MAD1L1: variants seen among roughly 807,000 people sequenced by gnomAD.
The protein encoded by MAD1L1 is mitotic arrest deficient 1 like 1.
In MAD1L1, 95 loss-of-function variants were observed where a neutral mutation model predicts 96.9. That is an observed-to-expected ratio of 0.98 (90% CI 0.83 to 1.16). The LOEUF is 1.16. Ranked by LOEUF, MAD1L1 falls within the 50% of genes most tolerant of loss-of-function variation. The probability of loss-of-function intolerance (pLI) is 0.00; values close to 1 mark genes in which losing one functional copy is unlikely to be tolerated. For synonymous variants in MAD1L1, 473 were observed against 396.6 expected (o/e 1.19, Z -2.29); for missense variants, 1,007 against 954.4 (o/e 1.06, Z -0.73).
chr7:1,854,840 A>C (rs1050416818), intron 18 of MAD1L1, among the ~76,000 whole-genome samples: 1 of 152,170 alleles, frequency 6.6e-6, no homozygotes, highest in African/African-American at 2.4e-5. Flanking sequence ...GGACGCTCCC[A>C]TTTCAAAAGG....
In MAD1L1 at chr7:2,088,663, A is replaced by G. The variant is rs1786053496; in HGVS notation, c.1074-19325T>C. On this transcript the variant is annotated intron_variant, in intron 11 of 18. Transcript: ENST00000265854. The surrounding 1 kb of genome is among the most constrained non-coding windows in gnomAD (Gnocchi z 4.4). Reference sequence around the variant, plus strand: ...CAAGGGGACGGGTGGAGGGAGTGCCATCTGTCACACTCCATGCAGCTCTTC... The same window carrying G: ...CAAGGGGACGGGTGGAGGGAGTGCCGTCTGTCACACTCCATGCAGCTCTTC... 6.6e-6 allele frequency: 1 copy of G among 152,652 alleles called. No homozygotes were observed. The highest frequency in any genetic ancestry group is 2.4e-5 in the African/African-American group (1 of 41,458). The allele number at this position is 152,652 out of a possible 1,614,324, so 9.5% of individuals were successfully genotyped here.
intron 15 of MAD1L1, 106 bp from the exon 16 acceptor site, chr7:1,957,825 C>T: frequency 1.1e-6 from 1 of 886,608 alleles, no homozygotes; most frequent in Non-Finnish European, 1.8e-6. Flanking sequence ...CCCAGCTATA[C>T]AGCTTTATTT....
chr7:1,920,526 G>A (rs1276651358), intron 17 of MAD1L1, among the ~76,000 whole-genome samples: 2 of 152,256 alleles, frequency 1.3e-5, no homozygotes, highest in Non-Finnish European at 2.9e-5. Context: ...CCCATCGCAT[G>A]GAGTTGGGGG....
At chr7:2,099,839 C>A (rs1224197297) in intron 11 of MAD1L1, among the ~76,000 whole-genome samples, 4 of 152,224 alleles carry the variant, frequency 2.6e-5, no homozygotes, top group African/African-American at 9.7e-5. Flanking sequence ...GACTGGCTGC[C>A]GACTGTGAGG....
At chr7:2,133,521 C>A (rs1350723221) in intron 11 of MAD1L1, among the ~76,000 whole-genome samples, 1 of 152,234 alleles carries the variant, frequency 6.6e-6, no homozygotes, top group Non-Finnish European at 1.5e-5. Context: ...TTATTCTCAA[C>A]AGTTTCCTTC....
intron 11 of MAD1L1, among the ~76,000 whole-genome samples, chr7:2,120,422 C>G (rs549805254): frequency 1.3e-5 from 2 of 152,388 alleles, no homozygotes; most frequent in South Asian, 4.1e-4. Flanking sequence ...GCCGCCACAC[C>G]CTGGAGAGCC....
intron 18 of MAD1L1, among the ~76,000 whole-genome samples, chr7:1,864,349 G>A (rs1383799296): frequency 1.3e-5 from 2 of 152,224 alleles, no homozygotes; most frequent in Non-Finnish European, 2.9e-5. Context: ...TTTCCTGGAC[G>A]GGACTCGGGG....
rs1405714777 is a variant in MAD1L1 at position 2,146,670 on chromosome 7, A to T, written c.1073+2482T>A. ...AAGCTACTTTCAATGAGAAACAAAC[A>T]AAAGTGACTTTAAAATGAGGCCCGC... On this transcript the variant is annotated intron_variant, in intron 11 of 18. Coordinates refer to ENST00000265854, the MANE Select transcript of MAD1L1 (RefSeq NM_001013836.2). The surrounding 1 kb of genome is among the most constrained non-coding windows in gnomAD (Gnocchi z 6.2). 6.6e-6 allele frequency among the ~76,000 whole-genome samples: 1 copy of T among 152,224 alleles called. No homozygotes were observed. The highest frequency in any genetic ancestry group is 1.5e-5 in the Non-Finnish European group (1 of 68,038).
intron 12 of MAD1L1, among the ~76,000 whole-genome samples, chr7:2,049,869 C>T (rs1439603527): frequency 3.3e-5 from 5 of 151,374 alleles, no homozygotes; most frequent in Admixed American, 6.6e-5. Context: ...CCTCACCCAA[C>T]GTCTGCAGGC....
At chr7:2,176,456 G>C (rs1161246481) in intron 10 of MAD1L1, among the ~76,000 whole-genome samples, 1 of 152,140 alleles carries the variant, frequency 6.6e-6, no homozygotes. Flanking sequence ...TCGTACCAGA[G>C]GTCCCGGCCA....
intron 12 of MAD1L1, among the ~76,000 whole-genome samples, chr7:2,023,204 C>T (rs1006370108): frequency 6.6e-6 from 1 of 152,282 alleles, no homozygotes; most frequent in South Asian, 2.1e-4. Context: ...ATGACAATGA[C>T]AGAACACTGC....
intron 18 of MAD1L1, among the ~76,000 whole-genome samples, chr7:1,862,560 C>T (rs1784583267): frequency 6.6e-6 from 1 of 152,226 alleles, no homozygotes; most frequent in South Asian, 2.1e-4. Flanking sequence ...TGTCAGAATC[C>T]TCTGTACAAT....
chr7:2,019,559 G>A (rs1219215531), intron 12 of MAD1L1, among the ~76,000 whole-genome samples: 1 of 152,244 alleles, frequency 6.6e-6, no homozygotes, highest in Non-Finnish European at 1.5e-5. Flanking sequence ...GGATTAATAA[G>A]TACATGGAGA....
intron 10 of MAD1L1, among the ~76,000 whole-genome samples, chr7:2,152,082 C>G (rs1789603485): frequency 6.6e-6 from 1 of 152,212 alleles, no homozygotes; most frequent in South Asian, 2.1e-4. Context: ...TTGTCCTGCC[C>G]CAGGCAGGAA....
At chr7:1,830,356 C>T (rs979136135) in intron 18 of MAD1L1, among the ~76,000 whole-genome samples, 2 of 152,162 alleles carry the variant, frequency 1.3e-5, no homozygotes, top group African/African-American at 4.8e-5. Context: ...GAGATCGTGC[C>T]ACTGCACTCC....
At chr7:1,980,430 C>T (rs1268583934) in intron 15 of MAD1L1, 23 bp downstream of exon 15, 13 of 1,600,690 alleles carry the variant, frequency 8.1e-6, no homozygotes, top group East Asian at 2.2e-5. Flanking sequence ...TGGGCGTGTC[C>T]GCCTCCTCTC....
intron 18 of MAD1L1, among the ~76,000 whole-genome samples, chr7:1,861,410 C>T (rs1455435005): frequency 6.6e-6 from 1 of 151,692 alleles, no homozygotes; most frequent in African/African-American, 2.4e-5. Context: ...GCTCCGCCTG[C>T]CCCCTGGTTG....
intron 15 of MAD1L1, among the ~76,000 whole-genome samples, chr7:1,964,466 C>T (rs1780078149): frequency 6.6e-6 from 1 of 152,204 alleles, no homozygotes; most frequent in Admixed American, 6.5e-5. Context: ...CTTCTGCTGC[C>T]CTCCTTTCAG....
intron 11 of MAD1L1, among the ~76,000 whole-genome samples, chr7:2,123,352 G>A (rs1788071732): frequency 6.6e-6 from 1 of 151,852 alleles, no homozygotes; most frequent in African/African-American, 2.4e-5. Flanking sequence ...CTCAGGGACT[G>A]AGATGAAACT....
Sources: allele counts gnomAD v4.1 joint callset (sites outside exome capture counted in the v4.1 genomes callset), GRCh38; gene constraint gnomAD v4.1.1; non-coding constraint Gnocchi (gnomAD v3.1); transcripts MANE v1.5; gene names NCBI Gene and HGNC (gene_info 2026-07-23, HGNC 2026-07-21).